MUC5B: variants seen among roughly 807,000 people sequenced by gnomAD.
The protein encoded by MUC5B is mucin-5B.
Under a neutral mutation model 376.9 loss-of-function variants are expected in MUC5B, and 116 were observed. That is an observed-to-expected ratio of 0.31 (90% CI 0.26 to 0.36). MUC5B has a LOEUF of 0.36. Among genes scored for constraint, MUC5B ranks in the 10% least tolerant of loss-of-function variants. The pLI is 1.00. For synonymous variants in MUC5B, 3,517 were observed against 3,390.9 expected (o/e 1.04, Z -1.29); for missense variants, 7,165 against 7,769.9 (o/e 0.92, Z 2.93).
intron 46 of MUC5B, 73 bp from the exon 47 acceptor site, chr11:1,260,278 C>A (rs756767415): frequency 2.8e-5 from 43 of 1,514,698 alleles, no homozygotes; most frequent in Non-Finnish European, 3.8e-5. Flanking sequence ...CCGGGTGGGC[C>A]CCTCCCCAGG....
chr11:1,239,192 C>T, intron 26 of MUC5B, 165 bp downstream of exon 26: 1 of 980,560 alleles, frequency 1.0e-6, no homozygotes. Flanking sequence ...CAGAGGAAGA[C>T]CTGTGCAAAA....
chr11:1,242,604 A>G lies in MUC5B; in HGVS notation c.5724A>G (p.Thr1908=). Residue 1908 remains threonine (T), a synonymous_variant, in exon 31 of 49, where the codon ACA becomes ACG. Coordinates refer to ENST00000529681, the MANE Select transcript of MUC5B (RefSeq NM_002458.3). ...SSTPGTTWIL[T]KPTTTATTTA... ...CTCCGGGGACGACCTGGATCCTCAC[A>G]AAGCCGACCACAACAGCCACTACGA... The G allele has an allele frequency of 6.2e-7, 1 of 1,613,606 alleles. No homozygotes were observed. The highest frequency in any genetic ancestry group is 8.5e-7 in the Non-Finnish European group (1 of 1,179,764).
chr11:1,256,066 C>T (rs906589179), intron 37 of MUC5B, 90 bp from the exon 38 acceptor site: 4 of 647,442 alleles, frequency 6.2e-6, no homozygotes, highest in Admixed American at 2.5e-5. Context: ...CCAGACTCCT[C>T]GGCCTCTCTG....
At chr11:1,227,636 C>A (rs1861918094) in intron 6 of MUC5B, 39 bp from the exon 7 acceptor site, 1 of 709,584 alleles carries the variant, frequency 1.4e-6, no homozygotes. Context: ...TCCCCAGGAG[C>A]CCCTCAGAGC....
rs563615544 is a variant in MUC5B, at chr11:1,262,088, G to A, written c.*480G>A. 87 of 529,570 alleles carry A rather than the reference G, an allele frequency of 1.6e-4. 1 individual carries two copies. The highest frequency in any genetic ancestry group is 1.1e-3 in the South Asian group (80 of 71,426). 32.8% of individuals were successfully genotyped at this position (529,570 alleles called of 1,614,324 possible). A position where few individuals can be genotyped will look rare whatever the true frequency, so the allele number is the denominator to read the frequency against. Reference sequence around the variant, plus strand: ...GGTAACTCAGGGCTGAGGTCGCAACGGCCAGGTCAGAGAGGGGTCAGCATC... The same window carrying A: ...GGTAACTCAGGGCTGAGGTCGCAACAGCCAGGTCAGAGAGGGGTCAGCATC... On this transcript the variant is annotated 3_prime_UTR_variant, in exon 49 of 49. Transcript: ENST00000529681.
Position 1,256,699 on chromosome 11 carries a change from G to T in MUC5B, c.16165G>T (p.Ala5389Ser). The change falls in exon 39 of 49, where the codon GCG becomes TCG. Residue 5389 changes from alanine (A) to serine (S), a missense_variant. Physicochemically the swap from Ala to Ser is moderately conservative, Grantham distance 99. Coordinates refer to ENST00000529681, the MANE Select transcript of MUC5B (RefSeq NM_002458.3). ...CCAGAGCCCACAGCTGGAGGGGATG[G>T]CGGAGGGCTGCTTCTGCCCTGAGGA... Reference protein sequence around the residue: ...RNQSPQLEGMAEGCFCPEDQI... With the variant: ...RNQSPQLEGMSEGCFCPEDQI... 2 of 1,568,508 alleles carry T rather than the reference G, an allele frequency of 1.3e-6. No individual in the cohort carries two copies. The highest frequency in any genetic ancestry group is 1.7e-6 in the Non-Finnish European group (2 of 1,158,510).
rs200430233 is a variant in MUC5B at position 1,246,399 on chromosome 11, G to C, written c.9519G>C (p.Val3173=). Residue 3173 remains valine (V), a synonymous_variant, in exon 31 of 49, where the codon GTG becomes GTC. Coordinates refer to ENST00000529681, the MANE Select transcript of MUC5B (RefSeq NM_002458.3). ...ILTEPSTTAT[V]TVPTGSTATA... The stretch of plus-strand genomic sequence containing the variant: ...CAGAGCCCAGCACTACAGCCACCGT[G>C]ACGGTGCCCACCGGATCCACGGCCA... 0.025 allele frequency: 40,274 copies of C among 1,600,842 alleles called. 2 individuals are homozygous for C. The highest frequency in any genetic ancestry group is 0.027 in the Non-Finnish European group (31,796 of 1,168,632).
chr11:1,260,650 C>T lies in MUC5B; in HGVS notation c.16991C>T (p.Thr5664Met), dbSNP rs61734162. The T allele has an allele frequency of 3.9e-4, 621 of 1,612,618 alleles. 3 individuals carry two copies. In the African/African-American group the frequency reaches 7.0e-3, roughly 18 times the overall value. Residue 5664 changes from threonine to methionine, a missense_variant, in exon 48 of 49, where the codon ACG becomes ATG. By Grantham distance (81) the Thr-to-Met change is moderately conservative. Transcript: ENST00000529681. ...EEDSCQVRIN[T>M]TILWHQGCET... The stretch of plus-strand genomic sequence containing the variant: ...GACTCCTGTCAAGTCCGCATCAACA[C>T]GACCATCCTGTGGCACCAGGGCTGC...
At chr11:1,254,457 C>A (rs1590191050) in intron 34 of MUC5B, 106 bp downstream of exon 34, 3 of 1,463,494 alleles carry the variant, frequency 2.0e-6, no homozygotes, top group Non-Finnish European at 2.8e-6. Flanking sequence ...TGGCCCAGTG[C>A]CCAAGACAGC....
rs774333108 is a variant in MUC5B at position 1,251,134 on chromosome 11, C to G, written c.14254C>G (p.Pro4752Ala). Residue 4752 changes from proline to alanine, a missense_variant, in exon 31 of 49, where the codon CCC becomes GCC. Around this residue, in one of 31 missense-constraint regions of MUC5B, gnomAD observed 730 missense variants for 592.7 expected, o/e 1.23. Coordinates refer to ENST00000529681, the MANE Select transcript of MUC5B (RefSeq NM_002458.3). ...ATKSTATSFT[P>A]IPSSTLWTTW... Reference sequence around the variant, plus strand: ...AAAATCCACAGCTACCAGCTTTACACCCATCCCCTCCTCCACCCTGTGGAC... The same window carrying G: ...AAAATCCACAGCTACCAGCTTTACAGCCATCCCCTCCTCCACCCTGTGGAC... 4 of 1,610,992 alleles carry G rather than the reference C, an allele frequency of 2.5e-6. No individual in the cohort carries two copies. Among genetic ancestry groups the G allele is most frequent in the Middle Eastern group, 3.3e-4 (2 of 6,062 alleles).
Position 1,258,990 on chromosome 11 carries a change from C to A in MUC5B, c.16642C>A (p.Leu5548Ile). The stretch of plus-strand genomic sequence containing the variant: ...CCTTCCCTGCCACATGTGTACCTGC[C>A]TCTCTGGGGACACCCAGGACCCAAC... The part of the protein sequence containing the change: ...GALPCHMCTC[L>I]SGDTQDPTVQ... Residue 5548 changes from leucine to isoleucine, a missense_variant, in exon 44 of 49, where the codon CTC (leucine) becomes ATC (isoleucine). By Grantham distance (5) the Leu-to-Ile change is conservative (BLOSUM62 2). Coordinates refer to ENST00000529681, the MANE Select transcript of MUC5B (RefSeq NM_002458.3). This position sits in a 1 kb window ranked among gnomAD's most constrained non-coding sequence, Gnocchi z 5.5. 6.4e-7 allele frequency: 1 copy of A among 1,560,006 alleles called. No individual in the cohort carries two copies. The highest frequency in any genetic ancestry group is 1.9e-5 in the Admixed American group (1 of 52,390).
At chr11:1,238,058 G>A (rs985634356) in intron 25 of MUC5B, among the ~76,000 whole-genome samples, 1 of 152,230 alleles carries the variant, frequency 6.6e-6, no homozygotes, top group Non-Finnish European at 1.5e-5. Flanking sequence ...GCCCTCTTGA[G>A]AAGGCAGCTG....
Position 1,237,097 on chromosome 11 carries a change from G to A in MUC5B, c.3230G>A (p.Arg1077His), listed in dbSNP as rs374693051. ...PKDPCTANPF[R>H]KSWAQKQCSI... ...GACCCCTGCACGGCCAACCCCTTCCGCAAGTCCTGGGCCCAGAAGCAGTGC... is the reference window on the plus strand; with the variant it reads ...GACCCCTGCACGGCCAACCCCTTCCACAAGTCCTGGGCCCAGAAGCAGTGC... The change falls in exon 25 of 49, where the codon CGC becomes CAC. Residue 1077 changes from arginine (R) to histidine (H), a missense_variant. Arg to His is a conservative substitution (Grantham distance 29). Coordinates refer to ENST00000529681, the MANE Select transcript of MUC5B (RefSeq NM_002458.3). 1.7e-5 allele frequency: 26 copies of A among 1,550,638 alleles called. No homozygotes were observed. The highest frequency in any genetic ancestry group is 7.3e-5 in the East Asian group (3 of 41,000).
At chr11:1,226,574 G>A (rs753992179) in intron 3 of MUC5B, 41 bp from the exon 4 acceptor site, 5 of 1,580,750 alleles carry the variant, frequency 3.2e-6, no homozygotes, top group Non-Finnish European at 4.3e-6. Flanking sequence ...ACCCCGTGGG[G>A]GGCTGGCATG....
Position 1,252,849 on chromosome 11 carries a change from G to A in MUC5B, c.15086G>A (p.Arg5029Lys), listed in dbSNP as rs770730721. Residue 5029 changes from arginine to lysine, a missense_variant, in exon 33 of 49, where the codon AGG becomes AAG. Physicochemically the swap from Arg to Lys is conservative, Grantham distance 26 (BLOSUM62 2). Around this residue, in one of 31 missense-constraint regions of MUC5B, gnomAD observed 842 missense variants for 1,016.9 expected, o/e 0.83. Coordinates refer to ENST00000529681, the MANE Select transcript of MUC5B (RefSeq NM_002458.3). ...ACCCTGGAGAACTGCACGGTGGCCA[G>A]GTGCGTGGGTGACAACCGTGTCGTC... ...TWTLENCTVA[R>K]CVGDNRVVLL... is the part of the protein sequence containing the mutation. The A allele has an allele frequency of 3.1e-6, 5 of 1,611,932 alleles. No individual in the cohort carries two copies. Among genetic ancestry groups the A allele is most frequent in the Non-Finnish European group, 4.2e-6 (5 of 1,179,634 alleles).
At chr11:1,228,786 C>T (rs948594515) in intron 8 of MUC5B, 21 bp downstream of exon 8, 56 of 1,462,490 alleles carry the variant, frequency 3.8e-5, no homozygotes, top group Non-Finnish European at 4.5e-5. Context: ...CCAGGGCCTT[C>T]GCCAGGGATT....
Position 1,241,926 on chromosome 11 carries a change from A to T in MUC5B, c.5046A>T (p.Glu1682Asp). ...CCACGACGCCTGCAGGCTCCACAGA[A>T]CCCACTGTCCCAGGGGTGGCCACAT... The part of the protein sequence containing the change: ...GGPTTPAGST[E>D]PTVPGVATST... Residue 1682 changes from glutamate to aspartate, a missense_variant, in exon 31 of 49, where the codon GAA becomes GAT. This residue lies in a region of MUC5B where 897 missense variants were observed against 779.6 expected (regional missense o/e 1.15). Transcript: ENST00000529681. 6.2e-7 allele frequency: 1 copy of T among 1,609,046 alleles called. No homozygotes were observed. The highest frequency in any genetic ancestry group is 8.5e-7 in the Non-Finnish European group (1 of 1,177,996).
At chr11:1,235,622 A>G (rs1590173034) in intron 23 of MUC5B, 23 of 593,732 alleles carry the variant, frequency 3.9e-5, no homozygotes, top group Middle Eastern at 6.8e-4. Context: ...CCAGGCGGGC[A>G]GGGCCACACT....
At chr11:1,224,626 G>A (rs908827238) in intron 1 of MUC5B, among the ~76,000 whole-genome samples, 1 of 151,790 alleles carries the variant, frequency 6.6e-6, no homozygotes, top group Non-Finnish European at 1.5e-5. Context: ...GCCGGGGCGT[G>A]GGAGTGGCTG....
Sources: allele counts gnomAD v4.1 joint callset (sites outside exome capture counted in the v4.1 genomes callset), GRCh38; gene constraint gnomAD v4.1.1; regional missense constraint gnomAD v4.1.1; non-coding constraint Gnocchi (gnomAD v3.1); transcripts MANE v1.5; gene names NCBI Gene and HGNC (gene_info 2026-07-23, HGNC 2026-07-21).